Variants in RMST observed in about 807,000 individuals in gnomAD.
The protein encoded by RMST is long intergenic non-protein coding RNA 54.
chr12:97,503,769 G>T (rs1727076481), intron 10 of RMST, among the ~76,000 whole-genome samples: 1 of 152,180 alleles, frequency 6.6e-6, no homozygotes. Context: ...GTCCATCTCA[G>T]ATCTTATTTT....
intron 5 of RMST, among the ~76,000 whole-genome samples, chr12:97,482,573 G>GA (rs1875443778): frequency 6.7e-6 from 1 of 149,354 alleles, no homozygotes; most frequent in Admixed American, 6.7e-5. Flanking sequence ...TCAAAGATTA[G>GA]AAAAAATTGA....
At chr12:97,511,153 T>C (rs1002318137) in intron 10 of RMST, among the ~76,000 whole-genome samples, 10 of 111,652 alleles carry the variant, frequency 9.0e-5, no homozygotes, top group African/African-American at 5.5e-4. Flanking sequence ...CTTCCTTCTT[T>C]TTTTTTTTTT....
intron 5 of RMST, among the ~76,000 whole-genome samples, chr12:97,482,638 T>A (rs1875467977): frequency 7.0e-6 from 1 of 142,052 alleles, no homozygotes; most frequent in East Asian, 2.0e-4. Flanking sequence ...ATATTTAATT[T>A]ATTTATTATT....
intron 10 of RMST, among the ~76,000 whole-genome samples, chr12:97,501,737 G>A (rs1354057244): frequency 1.3e-5 from 2 of 152,176 alleles, no homozygotes; most frequent in Non-Finnish European, 2.9e-5. Context: ...TGGCTGGTTA[G>A]TGTCATTCAG....
intron 5 of RMST, among the ~76,000 whole-genome samples, chr12:97,487,330 T>A (rs1876224675): frequency 6.6e-6 from 1 of 152,232 alleles, no homozygotes; most frequent in Non-Finnish European, 1.5e-5. Flanking sequence ...GTGAGCTTTT[T>A]TAAACTTTCC....
At chr12:97,495,081 G>GT (rs1027867511) in intron 9 of RMST, among the ~76,000 whole-genome samples, 69 of 151,262 alleles carry the variant, frequency 4.6e-4, no homozygotes, top group Non-Finnish European at 9.1e-4. Context: ...TATTTTTACT[G>GT]TTTTTTTCAT....
At chr12:97,535,394 T>G (rs1449770320) in intron 11 of RMST, among the ~76,000 whole-genome samples, 1 of 151,732 alleles carries the variant, frequency 6.6e-6, no homozygotes, top group Non-Finnish European at 1.5e-5. Flanking sequence ...TACTTTTAAC[T>G]CAAATGCCTT....
chr12:97,505,133 A>G (rs1394703814), intron 10 of RMST, among the ~76,000 whole-genome samples: 1 of 152,212 alleles, frequency 6.6e-6, no homozygotes, highest in Non-Finnish European at 1.5e-5. Flanking sequence ...TTAGTGTCTG[A>G]CATGCAAATT....
chr12:97,498,442 G>A (rs1287774946), intron 10 of RMST, among the ~76,000 whole-genome samples: 1 of 152,156 alleles, frequency 6.6e-6, no homozygotes, highest in Non-Finnish European at 1.5e-5. Context: ...TCCCCATAGA[G>A]TGGTTGTAAA....
intron 5 of RMST, among the ~76,000 whole-genome samples, chr12:97,479,344 G>T (rs892648301): frequency 6.6e-6 from 1 of 151,566 alleles, no homozygotes; most frequent in African/African-American, 2.4e-5. Context: ...TAGAGATGGG[G>T]GTCTCTGTAT....
intron 5 of RMST, among the ~76,000 whole-genome samples, chr12:97,467,214 G>T (rs143408746): frequency 5.4e-4 from 82 of 152,096 alleles, no homozygotes; most frequent in Non-Finnish European, 9.7e-4. Context: ...AGATATAAAC[G>T]TGATAAGATT....
At chr12:97,555,591 C>T (rs1481419224) in intron 11 of RMST, among the ~76,000 whole-genome samples, 2 of 152,120 alleles carry the variant, frequency 1.3e-5, no homozygotes, top group African/African-American at 2.4e-5. Context: ...TTCAAATGGG[C>T]GAGATTCGGA....
At chr12:97,561,960 AG>A (rs1037362924) in intron 13 of RMST, among the ~76,000 whole-genome samples, 2 of 152,178 alleles carry the variant, frequency 1.3e-5, no homozygotes, top group Admixed American at 6.5e-5. Context: ...AAAGGAAGCA[AG>A]GGATCCTTTT....
intron 4 of RMST, among the ~76,000 whole-genome samples, chr12:97,464,425 T>TGTTATGTAAA (rs1404456183): frequency 6.6e-6 from 1 of 152,210 alleles, no homozygotes; most frequent in African/African-American, 2.4e-5. Flanking sequence ...CATTCGGAGC[T>TGTTATGTAAA]TCCTGTGATA....
intron 10 of RMST, among the ~76,000 whole-genome samples, chr12:97,503,887 CTATT>C (rs1015517035): frequency 6.6e-6 from 1 of 152,108 alleles, no homozygotes; most frequent in Admixed American, 6.5e-5. Context: ...ATATATGTCA[CTATT>C]CATTTATTAA....
chr12:97,532,432 G>A (rs1565933519), intron 11 of RMST, among the ~76,000 whole-genome samples: 1 of 151,838 alleles, frequency 6.6e-6, no homozygotes, highest in East Asian at 1.9e-4. Flanking sequence ...AAATAAGTAG[G>A]TGAATAGAAA....
chr12:97,508,408 G>A (rs934644101), intron 10 of RMST, among the ~76,000 whole-genome samples: 1 of 152,178 alleles, frequency 6.6e-6, no homozygotes, highest in Non-Finnish European at 1.5e-5. Context: ...AAGAAGCTAA[G>A]CATGATTGTC....
intron 5 of RMST, among the ~76,000 whole-genome samples, chr12:97,466,192 G>C (rs935628949): frequency 6.6e-6 from 1 of 152,134 alleles, no homozygotes; most frequent in African/African-American, 2.4e-5. Context: ...CCAATGTTTA[G>C]CTTTCTTTAG....
At chr12:97,496,423 C>T (rs1213107043) in intron 10 of RMST, among the ~76,000 whole-genome samples, 1 of 152,062 alleles carries the variant, frequency 6.6e-6, no homozygotes, top group Non-Finnish European at 1.5e-5. Flanking sequence ...ATTAAATATA[C>T]ATGTTTGTGA....
Sources: allele counts gnomAD v4.1 joint callset (sites outside exome capture counted in the v4.1 genomes callset), GRCh38; gene constraint gnomAD v4.1.1; transcripts MANE v1.5; gene names NCBI Gene and HGNC (gene_info 2026-07-23, HGNC 2026-07-21).